The following TNFRSF11A variants were observed in gnomAD, a reference collection of about 807,000 sequenced individuals.
The protein encoded by TNFRSF11A is TNF receptor superfamily member 11a, also known as tumor necrosis factor receptor superfamily member 11A.
Under a neutral mutation model 55.7 loss-of-function variants are expected in TNFRSF11A, and 32 were observed. The ratio of observed to expected loss-of-function variants is 0.57; its 90% CI spans 0.43 to 0.77. The LOEUF is 0.77. Among genes scored for constraint, TNFRSF11A ranks in the 30% least tolerant of loss-of-function variants. TNFRSF11A has a pLI of 0.00. For missense variants in TNFRSF11A, 753 were observed against 809.8 expected, an observed-to-expected ratio of 0.93 and a Z score of 0.85; for synonymous variants, 311 against 331.0, an observed-to-expected ratio of 0.94 and a Z score of 0.65.
intron 1 of TNFRSF11A, among the ~76,000 whole-genome samples, chr18:62,326,834 G>A (rs922890951): frequency 6.6e-6 from 1 of 152,118 alleles, no homozygotes; most frequent in African/African-American, 2.4e-5. Flanking sequence ...CTAGGGGAGC[G>A]AACCTTCTAG....
At chr18:62,335,411 T>C (rs1401000627) in intron 1 of TNFRSF11A, among the ~76,000 whole-genome samples, 1 of 152,158 alleles carries the variant, frequency 6.6e-6, no homozygotes, top group Admixed American at 6.5e-5. Flanking sequence ...TGGTCTGGGA[T>C]CCAATTTCCA....
chr18:62,355,608 TTGAC>T (rs753293900), intron 4 of TNFRSF11A, among the ~76,000 whole-genome samples: 9 of 152,322 alleles, frequency 5.9e-5, no homozygotes, highest in East Asian at 5.8e-4. Flanking sequence ...AATATTTACT[TTGAC>T]TGAGGGTTAA....
At position 62,345,492 on chromosome 18, in the gene TNFRSF11A, A is replaced by G. The variant is rs564505356; in HGVS notation, c.76-2676A>G. On this transcript the variant is annotated intron_variant, in intron 1 of 9. Coordinates refer to ENST00000586569, the MANE Select transcript of TNFRSF11A (RefSeq NM_003839.4). ...CTGCTTAAGCTGGACCCTAAATGAG[A>G]TTAAAAGCATAATTTTCTGCCTCAC... Among the ~76,000 whole-genome samples, 5 of 152,194 alleles carry G rather than the reference A, an allele frequency of 3.3e-5. No homozygotes were observed. In the South Asian group the frequency reaches 1.1e-3, roughly 32 times the overall value.
At chr18:62,378,945 C>T (rs960435982) in intron 9 of TNFRSF11A, among the ~76,000 whole-genome samples, 1 of 152,210 alleles carries the variant, frequency 6.6e-6, no homozygotes, top group African/African-American at 2.4e-5. Context: ...CACCTCTGCT[C>T]TTCAGAGACT....
At chr18:62,344,943 T>A (rs983244348) in intron 1 of TNFRSF11A, among the ~76,000 whole-genome samples, 21 of 152,076 alleles carry the variant, frequency 1.4e-4, no homozygotes, top group Middle Eastern at 3.2e-3. Context: ...AGCCCAAGCA[T>A]GTGGGACTCA....
intron 3 of TNFRSF11A, among the ~76,000 whole-genome samples, chr18:62,351,848 G>C (rs892900050): frequency 6.6e-6 from 1 of 152,228 alleles, no homozygotes; most frequent in Non-Finnish European, 1.5e-5. Context: ...CCAAGCTGGA[G>C]TGCAGTGGCA....
At chr18:62,374,053 G>T (rs561162275) in intron 9 of TNFRSF11A, 2 of 152,110 alleles carry the variant, frequency 1.3e-5, no homozygotes. Flanking sequence ...GCTAAATCTC[G>T]TAAGGGCAGA....
intron 3 of TNFRSF11A, 103 bp downstream of exon 3, chr18:62,350,040 A>G: frequency 1.3e-6 from 2 of 1,518,758 alleles, no homozygotes; most frequent in Non-Finnish European, 1.8e-6. Context: ...TCGTTTCAGG[A>G]ACATGAAAGG....
intron 3 of TNFRSF11A, among the ~76,000 whole-genome samples, chr18:62,351,200 A>G (rs1041255145): frequency 1.3e-5 from 2 of 151,412 alleles, no homozygotes; most frequent in African/African-American, 4.9e-5. Context: ...CTGAGGTTTC[A>G]CCGTGTTGGC....
At chr18:62,376,139 A>G (rs562527729) in intron 9 of TNFRSF11A, among the ~76,000 whole-genome samples, 39 of 152,296 alleles carry the variant, frequency 2.6e-4, no homozygotes, top group African/African-American at 9.1e-4. Context: ...CAGGAGGGAC[A>G]GTAGGATGCA....
intron 1 of TNFRSF11A, among the ~76,000 whole-genome samples, chr18:62,341,936 C>A (rs2046317209): frequency 6.9e-6 from 1 of 144,348 alleles, no homozygotes; most frequent in Non-Finnish European, 1.5e-5. Flanking sequence ...AAACTGGAAG[C>A]CCAGTTTCGA....
chr18:62,343,488 A>C (rs1449664866), intron 1 of TNFRSF11A, among the ~76,000 whole-genome samples: 1 of 152,250 alleles, frequency 6.6e-6, no homozygotes, highest in African/African-American at 2.4e-5. Context: ...CCACTGGCAG[A>C]AATGTTATGT....
intron 1 of TNFRSF11A, among the ~76,000 whole-genome samples, chr18:62,332,905 T>C (rs1017641279): frequency 1.7e-4 from 26 of 152,166 alleles, no homozygotes; most frequent in African/African-American, 5.5e-4. Flanking sequence ...CCATTCTTCG[T>C]TCCCACGGAG....
In TNFRSF11A at chr18:62,384,924, T is replaced by C. The variant is rs1911594396; in HGVS notation, c.1741T>C (p.Phe581Leu). The change falls in exon 10 of 10, where the codon TTC becomes CTC. Residue 581 changes from phenylalanine (F) to leucine (L), a missense_variant. Phe to Leu is a conservative substitution (Grantham distance 22). Coordinates refer to ENST00000586569, the MANE Select transcript of TNFRSF11A (RefSeq NM_003839.4). ...QEETLARRDSFAGNGPRFPDP... is the reference protein window; with the variant it reads ...QEETLARRDSLAGNGPRFPDP... Reference sequence around the variant, plus strand: ...GGAGACCCTGGCGCGCCGAGACTCCTTCGCGGGGAACGGCCCGCGCTTCCC... The same window carrying C: ...GGAGACCCTGGCGCGCCGAGACTCCCTCGCGGGGAACGGCCCGCGCTTCCC... 6.4e-7 allele frequency: 1 copy of C among 1,555,398 alleles called. No homozygotes were observed. The highest frequency in any genetic ancestry group is 2.4e-5 in the East Asian group (1 of 41,986).
At chr18:62,327,160 G>A (rs2046087715) in intron 1 of TNFRSF11A, among the ~76,000 whole-genome samples, 2 of 152,274 alleles carry the variant, frequency 1.3e-5, no homozygotes, top group South Asian at 4.2e-4. Context: ...AGCCTGTGTG[G>A]GCTGGTGTCA....
chr18:62,330,436 G>A (rs1470306015), intron 1 of TNFRSF11A, among the ~76,000 whole-genome samples: 1 of 152,200 alleles, frequency 6.6e-6, no homozygotes, highest in Non-Finnish European at 1.5e-5. Context: ...GCATCAGAGT[G>A]GAGTGTTTGC....
intron 1 of TNFRSF11A, among the ~76,000 whole-genome samples, chr18:62,327,441 T>A (rs962201054): frequency 6.6e-6 from 1 of 152,254 alleles, no homozygotes; most frequent in African/African-American, 2.4e-5. Context: ...CTGCTTATTT[T>A]ACTTGGTGCC....
chr18:62,361,542 C>T (rs773208145), intron 6 of TNFRSF11A, 138 bp from the exon 7 acceptor site: 147 of 832,318 alleles, frequency 1.8e-4, no homozygotes, highest in Non-Finnish European at 2.1e-4. Flanking sequence ...CAAAGGGCAG[C>T]CAAGGGTGGG....
In TNFRSF11A at chr18:62,325,311, G is replaced by A. The variant is rs2046053668; in HGVS notation, c.-42G>A. The A allele has an allele frequency of 3.1e-6, 3 of 961,216 alleles. No homozygotes were observed. Among genetic ancestry groups the A allele is most frequent in the Non-Finnish European group, 3.7e-6 (3 of 804,200 alleles). The allele number at this position is 961,216 out of a possible 1,614,324, so 59.5% of individuals were successfully genotyped here. On this transcript the variant is annotated 5_prime_UTR_variant, in exon 1 of 10. Transcript: ENST00000586569. The surrounding 1 kb of genome is among the most constrained non-coding windows in gnomAD (Gnocchi z 4.7). ...CGGCAGCCGCGCCCGCTGGGCCACA[G>A]AGGCCGCTGAGGCCGCGGCGCCCGC...
Sources: allele counts gnomAD v4.1 joint callset (sites outside exome capture counted in the v4.1 genomes callset), GRCh38; gene constraint gnomAD v4.1.1; non-coding constraint Gnocchi (gnomAD v3.1); transcripts MANE v1.5; gene names NCBI Gene and HGNC (gene_info 2026-07-23, HGNC 2026-07-21).